Variants in SCAPER observed in about 807,000 individuals in gnomAD.
SCAPER encodes the protein S phase cyclin A-associated protein in the endoplasmic reticulum.
Under a neutral mutation model 182.2 loss-of-function variants are expected in SCAPER, and 98 were observed. That is an observed-to-expected ratio of 0.54 (90% CI 0.46 to 0.64). The LOEUF is 0.64. SCAPER is among the 30% of genes least tolerant of loss of function. SCAPER has a pLI of 0.00. For missense variants in SCAPER, 1,432 were observed against 1,690.0 expected (o/e 0.85, Z 2.68); for synonymous variants, 605 against 564.6 (o/e 1.07, Z -1.01).
chr15:76,750,030 G>A (rs2062002932), intron 15 of SCAPER, among the ~76,000 whole-genome samples: 1 of 151,524 alleles, frequency 6.6e-6, no homozygotes, highest in African/African-American at 2.4e-5. Context: ...TATAAAAACA[G>A]GCACAAGAGA....
intron 22 of SCAPER, 149 bp from the exon 23 acceptor site, chr15:76,574,433 A>G: frequency 3.7e-6 from 3 of 803,068 alleles, no homozygotes; most frequent in Non-Finnish European, 3.8e-6. Flanking sequence ...CCAGACAACC[A>G]ATAAAGCTAG....
At chr15:76,355,734 T>G (rs1452815548) in intron 29 of SCAPER, among the ~76,000 whole-genome samples, 1 of 152,212 alleles carries the variant, frequency 6.6e-6, no homozygotes, top group Non-Finnish European at 1.5e-5. Flanking sequence ...ATGAAGAGCT[T>G]AACTGGAACT....
chr15:76,732,685 C>G (rs1359538147), intron 16 of SCAPER, among the ~76,000 whole-genome samples: 1 of 152,204 alleles, frequency 6.6e-6, no homozygotes, highest in Non-Finnish European at 1.5e-5. Context: ...TCCTCCACCT[C>G]TTGTGCCCGC....
chr15:76,863,180 C>A (rs2072013679), intron 2 of SCAPER, among the ~76,000 whole-genome samples: 1 of 152,110 alleles, frequency 6.6e-6, no homozygotes, highest in Admixed American at 6.5e-5. Context: ...GGAGCCAGGT[C>A]CAGTAAAATA....
At chr15:76,371,811 A>G (rs905083725) in intron 29 of SCAPER, among the ~76,000 whole-genome samples, 6 of 151,748 alleles carry the variant, frequency 4.0e-5, no homozygotes, top group Non-Finnish European at 8.8e-5. Context: ...CCAGCTACTC[A>G]GGAGGCTGAG....
intron 21 of SCAPER, among the ~76,000 whole-genome samples, chr15:76,626,063 C>G (rs1567635638): frequency 6.6e-6 from 1 of 152,092 alleles, no homozygotes; most frequent in Non-Finnish European, 1.5e-5. Flanking sequence ...GGGCCGCATT[C>G]AAAGCCATCC....
chr15:76,552,616 T>C (rs2045872783), intron 23 of SCAPER, among the ~76,000 whole-genome samples: 1 of 152,086 alleles, frequency 6.6e-6, no homozygotes, highest in Non-Finnish European at 1.5e-5. Context: ...ATGACCCCCA[T>C]GGACACCTGA....
At position 76,702,977 on chromosome 15, in the gene SCAPER, A is replaced by G. The variant is rs1192545198; in HGVS notation, c.2273T>C (p.Met758Thr). Residue 758 changes from methionine (M) to threonine (T), a missense_variant, in exon 19 of 32, where the codon ATG (methionine) becomes ACG (threonine). Around this residue, in one of 5 missense-constraint regions of SCAPER, gnomAD observed 718 missense variants for 799.7 expected, o/e 0.90. Transcript: ENST00000563290. ...TTCTTTTCTTTGTTCAATCTGTTCC[A>G]TGTGCCTTCGAATACTTTCATCATG... is the stretch of plus-strand genomic sequence containing the variant. ...LKHDESIRRH[M>T]EQIEQRKEKA... The G allele has an allele frequency of 6.3e-7, 1 of 1,589,266 alleles. No individual in the cohort carries two copies. The highest frequency in any genetic ancestry group is 8.5e-7 in the Non-Finnish European group (1 of 1,171,758).
intron 5 of SCAPER, among the ~76,000 whole-genome samples, chr15:76,811,170 C>G (rs2066591528): frequency 7.1e-6 from 1 of 140,002 alleles, no homozygotes; most frequent in Non-Finnish European, 1.6e-5. Context: ...ATAAACTTAA[C>G]AAACATAGAA....
intron 22 of SCAPER, among the ~76,000 whole-genome samples, chr15:76,612,775 C>T (rs1353886074): frequency 6.6e-6 from 1 of 152,098 alleles, no homozygotes; most frequent in East Asian, 1.9e-4. Flanking sequence ...TCAGAGATGA[C>T]ACAAACAAAT....
At chr15:76,645,940 T>G (rs914921605) in intron 21 of SCAPER, among the ~76,000 whole-genome samples, 17 of 152,206 alleles carry the variant, frequency 1.1e-4, no homozygotes, top group African/African-American at 3.4e-4. Flanking sequence ...TTAAAACTTA[T>G]GTCTTTCCCT....
At chr15:76,425,791 T>C (rs1045573336) in intron 26 of SCAPER, among the ~76,000 whole-genome samples, 2 of 152,170 alleles carry the variant, frequency 1.3e-5, no homozygotes, top group African/African-American at 4.8e-5. Context: ...CAGATGGGGT[T>C]TTGGTGTGGA....
chr15:76,890,339 G>A (rs1397931178), intron 1 of SCAPER, among the ~76,000 whole-genome samples: 1 of 152,100 alleles, frequency 6.6e-6, no homozygotes, highest in Non-Finnish European at 1.5e-5. Flanking sequence ...GAAGGAAATA[G>A]AGACACAAAA....
chr15:76,791,371 G>C (rs963649861), intron 8 of SCAPER, among the ~76,000 whole-genome samples: 4 of 152,092 alleles, frequency 2.6e-5, no homozygotes, highest in African/African-American at 9.7e-5. Context: ...AAATTTAAAG[G>C]AACTACAATT....
At chr15:76,758,437 G>T (rs143923680) in intron 14 of SCAPER, among the ~76,000 whole-genome samples, 1 of 152,110 alleles carries the variant, frequency 6.6e-6, no homozygotes, top group Admixed American at 6.5e-5. Flanking sequence ...AAGTTCCATT[G>T]GTCTGTGTGT....
chr15:76,801,777 G>A (rs1166268033), intron 6 of SCAPER, among the ~76,000 whole-genome samples: 4 of 152,028 alleles, frequency 2.6e-5, no homozygotes, highest in African/African-American at 7.2e-5. Context: ...AAAATTAGCT[G>A]GGCGTGGTGG....
chr15:76,422,029 G>A (rs2046082248), intron 26 of SCAPER, among the ~76,000 whole-genome samples: 2 of 152,298 alleles, frequency 1.3e-5, no homozygotes, highest in Non-Finnish European at 2.9e-5. Context: ...CTATAGCCTT[G>A]TAGTATAGTT....
rs549930056 is a variant in SCAPER at position 76,501,983 on chromosome 15, A to G, written c.2954+2876T>C. Among the ~76,000 whole-genome samples, 24 of 152,374 alleles carry G rather than the reference A, an allele frequency of 1.6e-4. No homozygotes were observed. In the South Asian group the frequency reaches 3.5e-3, roughly 22 times the overall value. On this transcript the variant is annotated intron_variant, in intron 24 of 31. Transcript: ENST00000563290. ...TCTTGCTGTTCTCTGAGTAAACAGCATAACACTCTCCTGGCTTTAATCCTT... is the reference window on the plus strand; with the variant it reads ...TCTTGCTGTTCTCTGAGTAAACAGCGTAACACTCTCCTGGCTTTAATCCTT...
At chr15:76,745,346 G>A (rs532302436) in intron 15 of SCAPER, among the ~76,000 whole-genome samples, 19 of 152,132 alleles carry the variant, frequency 1.2e-4, no homozygotes, top group Non-Finnish European at 2.4e-4. Context: ...CTACTCGGGA[G>A]GCTGAGGCGG....
Sources: allele counts gnomAD v4.1 joint callset (sites outside exome capture counted in the v4.1 genomes callset), GRCh38; gene constraint gnomAD v4.1.1; regional missense constraint gnomAD v4.1.1; transcripts MANE v1.5; gene names NCBI Gene and HGNC (gene_info 2026-07-23, HGNC 2026-07-21).